The following ERICH6B variants were observed in gnomAD, a reference collection of about 807,000 sequenced individuals.
The protein encoded by ERICH6B is glutamate rich 6B, also known as glutamate-rich protein 6B.
Under a neutral mutation model 80.0 loss-of-function variants are expected in ERICH6B, and 69 were observed. The ratio of observed to expected loss-of-function variants is 0.86; its 90% CI spans 0.71 to 1.05. The LOEUF (loss-of-function observed/expected upper bound fraction) is 1.05. ERICH6B is among the 50% of genes least tolerant of loss of function. The probability of loss-of-function intolerance (pLI) is 0.00; values close to 1 mark genes in which losing one functional copy is unlikely to be tolerated. For missense variants in ERICH6B, 754 were observed against 796.1 expected, an observed-to-expected ratio of 0.95 and a Z score of 0.64; for synonymous variants, 283 against 291.9, an observed-to-expected ratio of 0.97 and a Z score of 0.31.
intron 4 of ERICH6B, among the ~76,000 whole-genome samples, chr13:45,588,405 T>C (rs1057324556): frequency 6.6e-6 from 1 of 152,136 alleles, no homozygotes; most frequent in African/African-American, 2.4e-5. Context: ...GGCCAGATGT[T>C]TGGATCCTAG....
At chr13:45,546,547 T>G (rs540286570) in intron 13 of ERICH6B, among the ~76,000 whole-genome samples, 1 of 152,310 alleles carries the variant, frequency 6.6e-6, no homozygotes, top group South Asian at 2.1e-4. Flanking sequence ...CGCCCGTAGC[T>G]CCCTACACAT....
Position 45,597,011 on chromosome 13 carries a change from G to A in ERICH6B, c.-6C>T, listed in dbSNP as rs1246289372. ...TGATTATTTTCAGCAGACATGCTGG[G>A]GAAGTCGTAGGTGGTGAACTCCTTC... On this transcript the variant is annotated 5_prime_UTR_variant, in exon 3 of 15. Transcript: ENST00000298738. The A allele has an allele frequency of 6.5e-7, 1 of 1,534,882 alleles. No individual in the cohort carries two copies. Among genetic ancestry groups the A allele is most frequent in the Admixed American group, 2.0e-5 (1 of 50,362 alleles).
chr13:45,591,775 G>A (rs1465776516), intron 3 of ERICH6B, among the ~76,000 whole-genome samples: 3 of 152,108 alleles, frequency 2.0e-5, no homozygotes, highest in Admixed American at 2.0e-4. Flanking sequence ...TGCAAACAAT[G>A]GCGGCAGAGA....
chr13:45,561,318 C>CAA, intron 11 of ERICH6B, 51 bp downstream of exon 11: 1 of 1,528,602 alleles, frequency 6.5e-7, no homozygotes, highest in Non-Finnish European at 8.8e-7. Context: ...TCACCAGAGC[C>CAA]AAAAAAAATC....
chr13:45,544,198 G>A (rs145949201), intron 14 of ERICH6B, among the ~76,000 whole-genome samples: 2,271 of 152,230 alleles, frequency 0.015, 66 homozygotes, highest in African/African-American at 0.051. Flanking sequence ...TCAGTTTCCC[G>A]AGTAGCTGGG....
At chr13:45,553,363 G>C (rs1874303709) in intron 11 of ERICH6B, among the ~76,000 whole-genome samples, 1 of 152,118 alleles carries the variant, frequency 6.6e-6, no homozygotes, top group South Asian at 2.1e-4. Flanking sequence ...CACTGGATGG[G>C]CTCAAATTAT....
intron 2 of ERICH6B, 101 bp from the exon 3 acceptor site, chr13:45,597,164 AG>A: frequency 1.2e-6 from 1 of 834,534 alleles, no homozygotes. Flanking sequence ...TAGTCTTTGG[AG>A]GGCTCTTTAA....
chr13:45,596,971 G>A lies in ERICH6B; in HGVS notation c.35C>T (p.Ser12Leu). 1.3e-6 allele frequency: 2 copies of A among 1,550,994 alleles called. No homozygotes were observed. The highest frequency in any genetic ancestry group is 2.4e-5 in the East Asian group (1 of 40,918). ...SAENNQLSGA[S>L]PPHPPTTPQY... ...GGGAGTTGTGGGAGGGTGAGGAGGT[G>A]ATGCTCCTGATAACTGATTATTTTC... The change falls in exon 3 of 15, where the codon TCA becomes TTA. Residue 12 changes from serine to leucine, a missense_variant. Transcript: ENST00000298738.
At position 45,596,627 on chromosome 13, in the gene ERICH6B, A is replaced by G. The variant is rs1254327434; in HGVS notation, c.379T>C (p.Tyr127His). 2 of 1,544,090 alleles carry G rather than the reference A, an allele frequency of 1.3e-6. No homozygotes were observed. The highest frequency in any genetic ancestry group is 1.8e-6 in the Non-Finnish European group (2 of 1,142,436). Residue 127 changes from tyrosine to histidine, a missense_variant, in exon 3 of 15, where the codon TAC becomes CAC. Tyr to His is a moderately conservative substitution (Grantham distance 83). Coordinates refer to ENST00000298738, the MANE Select transcript of ERICH6B (RefSeq NM_182542.3). Reference sequence around the variant, plus strand: ...TCCAGATGCTCTTCCTTCCCCAGGTACTCTTCCTCCTCCAGATACCCTTCC... The same window carrying G: ...TCCAGATGCTCTTCCTTCCCCAGGTGCTCTTCCTCCTCCAGATACCCTTCC... The part of the protein sequence containing the change: ...GKEGYLEEEE[Y>H]LGKEEHLEEE...
intron 2 of ERICH6B, among the ~76,000 whole-genome samples, chr13:45,606,696 G>T (rs1266062684): frequency 1.3e-5 from 2 of 150,746 alleles, no homozygotes. Context: ...TGGGACTACA[G>T]GTGCCCATCA....
At chr13:45,612,926 A>G (rs1384122020) in intron 1 of ERICH6B, among the ~76,000 whole-genome samples, 1 of 152,198 alleles carries the variant, frequency 6.6e-6, no homozygotes, top group African/African-American at 2.4e-5. Context: ...TCTTCCAAGC[A>G]TAATTTCCCA....
In ERICH6B at chr13:45,596,952, T is replaced by G; in HGVS notation, c.54A>C (p.Thr18=). The G allele has an allele frequency of 6.4e-7, 1 of 1,551,688 alleles. No homozygotes were observed. Among genetic ancestry groups the G allele is most frequent in the Non-Finnish European group, 8.7e-7 (1 of 1,146,972 alleles). ...AGTTCTGTGTGGAATATTGGGGAGTTGTGGGAGGGTGAGGAGGTGATGCTC... is the reference window on the plus strand; with the variant it reads ...AGTTCTGTGTGGAATATTGGGGAGTGGTGGGAGGGTGAGGAGGTGATGCTC... ...LSGASPPHPP[T]TPQYSTQNLP... The change falls in exon 3 of 15, where the codon ACA becomes ACC. Residue 18 remains threonine (T), a synonymous_variant. Coordinates refer to ENST00000298738, the MANE Select transcript of ERICH6B (RefSeq NM_182542.3).
intron 5 of ERICH6B, among the ~76,000 whole-genome samples, chr13:45,581,522 G>A (rs985883014): frequency 2.0e-5 from 3 of 152,240 alleles, no homozygotes; most frequent in East Asian, 1.9e-4. Context: ...GACTACAGGC[G>A]TGTGCCACCA....
At chr13:45,589,517 T>A (rs1876069610) in intron 4 of ERICH6B, among the ~76,000 whole-genome samples, 1 of 152,080 alleles carries the variant, frequency 6.6e-6, no homozygotes, top group Non-Finnish European at 1.5e-5. Context: ...TAAATATACA[T>A]TTCATCCTCA....
At chr13:45,545,099 C>G (rs775837157) in intron 13 of ERICH6B, 114 bp from the exon 14 acceptor site, 9 of 875,810 alleles carry the variant, frequency 1.0e-5, no homozygotes, top group African/African-American at 1.7e-5. Flanking sequence ...CTGACAGGGA[C>G]TTGATGGGTA....
chr13:45,545,115 A>C, intron 13 of ERICH6B, 130 bp from the exon 14 acceptor site: 1 of 774,356 alleles, frequency 1.3e-6, no homozygotes. Flanking sequence ...GGGTAGGAGA[A>C]GCTCCAACAT....
intron 8 of ERICH6B, among the ~76,000 whole-genome samples, chr13:45,571,391 C>T (rs1197400452): frequency 2.0e-5 from 3 of 151,618 alleles, no homozygotes; most frequent in Admixed American, 1.3e-4. Flanking sequence ...TTGGATTCCT[C>T]CTTGCTTACC....
chr13:45,580,525 G>A, intron 6 of ERICH6B, 78 bp downstream of exon 6: 2 of 1,453,740 alleles, frequency 1.4e-6, no homozygotes, highest in East Asian at 2.5e-5. Flanking sequence ...CTGGGGGCAG[G>A]CTAATTCTGT....
At chr13:45,599,411 T>C (rs1201648378) in intron 2 of ERICH6B, among the ~76,000 whole-genome samples, 2 of 152,216 alleles carry the variant, frequency 1.3e-5, no homozygotes, top group African/African-American at 2.4e-5. Context: ...TAGTTATTAA[T>C]TGAATTGGTT....
Sources: allele counts gnomAD v4.1 joint callset (sites outside exome capture counted in the v4.1 genomes callset), GRCh38; gene constraint gnomAD v4.1.1; transcripts MANE v1.5; gene names NCBI Gene and HGNC (gene_info 2026-07-23, HGNC 2026-07-21).